LPP: variants seen among roughly 807,000 people sequenced by gnomAD.
The protein encoded by LPP is lipoma-preferred partner.
Under a neutral mutation model 60.4 loss-of-function variants are expected in LPP, and 38 were observed. That is an observed-to-expected ratio of 0.63 (90% CI 0.49 to 0.83). The LOEUF (loss-of-function observed/expected upper bound fraction) is 0.83. Ranked by LOEUF, LPP falls within the 40% of genes least tolerant of loss-of-function variation. The pLI, the probability that LPP is intolerant of heterozygous loss-of-function variation, is 0.00. For missense variants in LPP, 902 were observed against 783.6 expected (o/e 1.15, Z -1.80); for synonymous variants, 328 against 290.8 (o/e 1.13, Z -1.30).
chr3:188,169,707 C>A (rs1720995256), intron 1 of LPP, among the ~76,000 whole-genome samples: 1 of 152,198 alleles, frequency 6.6e-6, no homozygotes, highest in Non-Finnish European at 1.5e-5. Flanking sequence ...CCCACTACTA[C>A]CCTTTGTACC....
intron 7 of LPP, among the ~76,000 whole-genome samples, chr3:188,704,834 T>C (rs1436839462): frequency 6.6e-6 from 1 of 152,102 alleles, no homozygotes; most frequent in African/African-American, 2.4e-5. Context: ...TCCACGTTCT[T>C]ACCCAAGGCC....
At chr3:188,773,943 T>C (rs1736900403) in intron 9 of LPP, among the ~76,000 whole-genome samples, 1 of 152,168 alleles carries the variant, frequency 6.6e-6, no homozygotes, top group Non-Finnish European at 1.5e-5. Flanking sequence ...TCTCACTTTC[T>C]CCTAGTACCT....
At chr3:188,334,587 C>T (rs148998826) in intron 2 of LPP, among the ~76,000 whole-genome samples, 169 of 151,966 alleles carry the variant, frequency 1.1e-3, no homozygotes, top group Admixed American at 1.4e-3. Flanking sequence ...CGCGCTACCA[C>T]GCCCGGCTAA....
chr3:188,793,069 T>C (rs2151043488), intron 9 of LPP, among the ~76,000 whole-genome samples: 1 of 152,200 alleles, frequency 6.6e-6, no homozygotes. Flanking sequence ...GTGGTGGCTG[T>C]CAGTGTCAGA....
At chr3:188,514,117 C>T (rs958750474) in intron 5 of LPP, among the ~76,000 whole-genome samples, 19 of 152,204 alleles carry the variant, frequency 1.2e-4, no homozygotes, top group Middle Eastern at 6.8e-3. Flanking sequence ...CCTGGAGTAG[C>T]GCTGAATCAT....
chr3:188,217,768 C>T lies in LPP; in HGVS notation c.-189-7637C>T, dbSNP rs1387799250. 6.6e-6 allele frequency among the ~76,000 whole-genome samples: 1 copy of T among 152,218 alleles called. No homozygotes were observed. Among genetic ancestry groups the T allele is most frequent in the East Asian group, 1.9e-4 (1 of 5,174 alleles). Reference sequence around the variant, plus strand: ...TTGCCCAGATAAGCAGCTGGCGTTCCAAGACCAAAGAGTATCTGTTTCTCA... The same window carrying T: ...TTGCCCAGATAAGCAGCTGGCGTTCTAAGACCAAAGAGTATCTGTTTCTCA... On this transcript the variant is annotated intron_variant, in intron 1 of 11. Coordinates refer to ENST00000617246, the MANE Select transcript of LPP (RefSeq NM_001375462.1). The surrounding 1 kb of genome is among the most constrained non-coding windows in gnomAD (Gnocchi z 4.0).
chr3:188,167,501 C>CACAAA (rs59953137), intron 1 of LPP, among the ~76,000 whole-genome samples: 42,702 of 143,386 alleles, frequency 0.3, 6,886 homozygotes, highest in Non-Finnish European at 0.36. Context: ...ACTCCACCAC[C>CACAAA]ACAAAACAAA....
At chr3:188,414,590 T>C (rs1785688876) in intron 4 of LPP, among the ~76,000 whole-genome samples, 1 of 152,178 alleles carries the variant, frequency 6.6e-6, no homozygotes, top group Non-Finnish European at 1.5e-5. Context: ...CTCAACACTA[T>C]ATAAACTGTA....
intron 2 of LPP, among the ~76,000 whole-genome samples, chr3:188,329,116 G>A (rs1759270360): frequency 6.6e-6 from 1 of 152,116 alleles, no homozygotes; most frequent in Non-Finnish European, 1.5e-5. Context: ...CTCTTGAAAG[G>A]TCTAAGGGAC....
intron 2 of LPP, among the ~76,000 whole-genome samples, chr3:188,293,397 A>G (rs1746710079): frequency 6.6e-6 from 1 of 152,230 alleles, no homozygotes; most frequent in South Asian, 2.1e-4. Flanking sequence ...GTATACTGAA[A>G]CAATAAACTT....
At chr3:188,853,032 C>A (rs1019538351) in intron 9 of LPP, among the ~76,000 whole-genome samples, 1 of 152,076 alleles carries the variant, frequency 6.6e-6, no homozygotes, top group Non-Finnish European at 1.5e-5. Flanking sequence ...CACCTGTAAT[C>A]CCGGCTACTC....
intron 9 of LPP, among the ~76,000 whole-genome samples, chr3:188,841,044 T>G (rs1759833602): frequency 6.6e-6 from 1 of 152,164 alleles, no homozygotes; most frequent in Non-Finnish European, 1.5e-5. Context: ...GCCATCAGAC[T>G]GTCCCTGGCC....
At chr3:188,353,163 G>A (rs1253006510) in intron 3 of LPP, among the ~76,000 whole-genome samples, 1 of 152,096 alleles carries the variant, frequency 6.6e-6, no homozygotes, top group Non-Finnish European at 1.5e-5. Context: ...TGTGGTCTCC[G>A]CCACAAGATT....
upstream of LPP, chr3:188,153,882 GA>G (rs1944055537): frequency 6.6e-6 from 1 of 152,408 alleles, no homozygotes; most frequent in African/African-American, 2.4e-5. Flanking sequence ...GGGGAGGAAG[GA>G]GGGGGAAAGG....
chr3:188,722,545 T>C (rs62291268), intron 8 of LPP, among the ~76,000 whole-genome samples: 2,038 of 152,340 alleles, frequency 0.013, 18 homozygotes, highest in Admixed American at 0.029. Context: ...CCTTAGAGTA[T>C]TTTGTTATAC....
intron 9 of LPP, among the ~76,000 whole-genome samples, chr3:188,786,808 T>G (rs1742068503): frequency 6.6e-6 from 1 of 152,172 alleles, no homozygotes; most frequent in African/African-American, 2.4e-5. Flanking sequence ...AGAATTATAC[T>G]GAGTGGGAAG....
chr3:188,435,256 G>T (rs1358563365), intron 4 of LPP, among the ~76,000 whole-genome samples: 2 of 152,132 alleles, frequency 1.3e-5, no homozygotes, highest in African/African-American at 2.4e-5. Context: ...TCAAAGAATG[G>T]AGTCTTAATT....
intron 10 of LPP, 123 bp from the exon 11 acceptor site, chr3:188,872,520 C>G (rs1768377909): frequency 1.9e-6 from 2 of 1,040,834 alleles, no homozygotes; most frequent in East Asian, 2.4e-5. Flanking sequence ...AGTCTAACTC[C>G]CTCACCTTAC....
intron 2 of LPP, among the ~76,000 whole-genome samples, chr3:188,264,049 T>C (rs549205086): frequency 6.6e-6 from 1 of 152,344 alleles, no homozygotes; most frequent in African/African-American, 2.4e-5. Flanking sequence ...CATGTAGGCC[T>C]GTCTTGTACA....
Sources: allele counts gnomAD v4.1 joint callset (sites outside exome capture counted in the v4.1 genomes callset), GRCh38; gene constraint gnomAD v4.1.1; non-coding constraint Gnocchi (gnomAD v3.1); transcripts MANE v1.5; gene names NCBI Gene and HGNC (gene_info 2026-07-23, HGNC 2026-07-21).